USP50: variants seen among roughly 807,000 people sequenced by gnomAD.
The protein encoded by USP50 is ubiquitin specific peptidase 50.
In USP50, 37 loss-of-function variants were observed where a neutral mutation model predicts 39.2. That is an observed-to-expected ratio of 0.94 (90% CI 0.73 to 1.24). The LOEUF is 1.24. USP50 is among the 50% of genes most tolerant of loss of function. USP50 has a pLI of 0.00. For synonymous variants in USP50, 139 were observed against 144.5 expected (o/e 0.96, Z 0.27); for missense variants, 374 against 398.2 (o/e 0.94, Z 0.52).
intron 6 of USP50, chr15:50,508,259 A>C (rs1328193295): frequency 6.6e-6 from 1 of 152,166 alleles, no homozygotes; most frequent in Non-Finnish European, 1.5e-5. Context: ...AATAGTAATG[A>C]AAATACTATA....
In USP50 at chr15:50,504,459, G is replaced by A. The variant is rs149008265; in HGVS notation, c.937-3622C>T. 5.7e-3 allele frequency: 870 copies of A among 152,402 alleles called. 8 individuals carry two copies. Among genetic ancestry groups the A allele is most frequent in the African/African-American group, 0.02 (838 of 41,546 alleles). 9.4% of individuals were successfully genotyped at this position (152,402 alleles called of 1,614,324 possible). ...GAATCACCTGAGCCCAGGAGGTCGAGGCTACAGTGAGCTGTGACTGAGCCA... is the reference window on the plus strand; with the variant it reads ...GAATCACCTGAGCCCAGGAGGTCGAAGCTACAGTGAGCTGTGACTGAGCCA... On this transcript the variant is annotated intron_variant, in intron 6 of 6. Coordinates refer to ENST00000532404, the MANE Select transcript of USP50 (RefSeq NM_203494.5).
intron 5 of USP50, 65 bp downstream of exon 5, chr15:50,538,644 A>G (rs1471433081): frequency 1.4e-6 from 2 of 1,445,556 alleles, no homozygotes; most frequent in South Asian, 1.5e-5. Context: ...AATTATTGGC[A>G]TGTGAATTTT....
At chr15:50,541,333 GAGATCCC>G in intron 3 of USP50, 69 bp from the exon 4 acceptor site, 1 of 1,389,354 alleles carries the variant, frequency 7.2e-7, no homozygotes, top group Non-Finnish European at 1.0e-6. Context: ...GCAACATGGT[GAGATCCC>G]ATCTCTACAA....
chr15:50,495,946 G>T, downstream of USP50: 1 of 1,613,830 alleles, frequency 6.2e-7, no homozygotes, highest in Non-Finnish European at 8.5e-7. Context: ...AGCTCAATGA[G>T]TCTATTATTG....
intron 6 of USP50, chr15:50,513,714 C>T (rs1012080275): frequency 2.0e-5 from 3 of 146,522 alleles, no homozygotes; most frequent in African/African-American, 7.3e-5. Flanking sequence ...ACCACAATGC[C>T]ATTCTACTAT....
chr15:50,523,070 G>C (rs1045117563), intron 6 of USP50, among the ~76,000 whole-genome samples: 1 of 151,484 alleles, frequency 6.6e-6, no homozygotes, highest in East Asian at 1.9e-4. Context: ...CTGAGGACAC[G>C]ATCTTATATA....
chr15:50,494,423 ACAT>A, intron 1 of USP50: 1 of 666,298 alleles, frequency 1.5e-6, no homozygotes, highest in Non-Finnish European at 2.4e-6. Context: ...GAATTATAAA[ACAT>A]CAGGTAAGTG....
chr15:50,542,634 T>G (rs12101614), intron 3 of USP50, among the ~76,000 whole-genome samples: 10,028 of 151,844 alleles, frequency 0.066, 477 homozygotes, highest in African/African-American at 0.13. Context: ...GACTGCAGGC[T>G]CCTGCCACCA....
chr15:50,498,740 T>C (rs889554317), downstream of USP50: 1 of 1,587,764 alleles, frequency 6.3e-7, no homozygotes, highest in Admixed American at 1.8e-5. Flanking sequence ...TAAGTATCTC[T>C]TTGAACTGAA....
At chr15:50,541,352 AAAAAC>A in intron 3 of USP50, 88 bp from the exon 4 acceptor site, 3 of 1,160,710 alleles carry the variant, frequency 2.6e-6, no homozygotes, top group Non-Finnish European at 3.6e-6. Flanking sequence ...TCTCTACAAA[AAAAAC>A]AAAAAATTAG....
chr15:50,507,503 T>A (rs2052678449), intron 6 of USP50: 1 of 152,160 alleles, frequency 6.6e-6, no homozygotes, highest in Non-Finnish European at 1.5e-5. Context: ...GTCCCTAAGA[T>A]AGAATGCATT....
chr15:50,533,829 C>A (rs775485642), intron 5 of USP50, among the ~76,000 whole-genome samples: 1 of 152,032 alleles, frequency 6.6e-6, no homozygotes, highest in Non-Finnish European at 1.5e-5. Flanking sequence ...GGTGAAACCC[C>A]GTCTCTACCA....
chr15:50,527,644 GTT>G (rs34341151), intron 6 of USP50, among the ~76,000 whole-genome samples: 16 of 143,244 alleles, frequency 1.1e-4, no homozygotes, highest in Admixed American at 7.0e-4. Context: ...TTTTATTGTT[GTT>G]TTTTTTTTTT....
chr15:50,539,315 T>C (rs756266399), intron 4 of USP50, among the ~76,000 whole-genome samples: 5 of 151,680 alleles, frequency 3.3e-5, no homozygotes, highest in African/African-American at 4.8e-5. Context: ...TCTGCCTACC[T>C]TGGCCTCCCA....
chr15:50,529,682 A>G (rs2052924788), intron 6 of USP50, 115 bp downstream of exon 6: 1 of 1,198,320 alleles, frequency 8.3e-7, no homozygotes, highest in African/African-American at 1.5e-5. Flanking sequence ...CCTGGTCTAT[A>G]TTTTTTAAAA....
intron 4 of USP50, among the ~76,000 whole-genome samples, chr15:50,539,479 C>T (rs1258266810): frequency 3.4e-5 from 5 of 147,078 alleles, no homozygotes; most frequent in African/African-American, 1.0e-4. Context: ...TGCAGTGGCA[C>T]GATCTTGGCT....
downstream of USP50, chr15:50,496,110 T>C (rs767122194): frequency 3.3e-6 from 5 of 1,531,504 alleles, no homozygotes; most frequent in African/African-American, 4.1e-5. Flanking sequence ...AGAGAGAAAA[T>C]GATTTATTGG....
At chr15:50,534,333 C>T (rs888944987) in intron 5 of USP50, among the ~76,000 whole-genome samples, 2 of 151,942 alleles carry the variant, frequency 1.3e-5, no homozygotes, top group Non-Finnish European at 2.9e-5. Flanking sequence ...AGGGCAACCA[C>T]TAACAAATGT....
chr15:50,528,201 C>T (rs1006339006), intron 6 of USP50, among the ~76,000 whole-genome samples: 18 of 151,896 alleles, frequency 1.2e-4, no homozygotes, highest in Admixed American at 2.6e-4. Context: ...GCCACTGCAC[C>T]CAGCCTAGGA....
Sources: allele counts gnomAD v4.1 joint callset (sites outside exome capture counted in the v4.1 genomes callset), GRCh38; gene constraint gnomAD v4.1.1; transcripts MANE v1.5; gene names NCBI Gene and HGNC (gene_info 2026-07-23, HGNC 2026-07-21).